The following FAM171A2 variants were observed in gnomAD, a reference collection of about 807,000 sequenced individuals.
FAM171A2 encodes the protein family with sequence similarity 171 member A2, also known as protein FAM171A2.
A neutral mutation model predicts 34.2 loss-of-function variants in FAM171A2; 13 were observed. That is an observed-to-expected ratio of 0.38 (90% CI 0.25 to 0.60). The LOEUF (loss-of-function observed/expected upper bound fraction) is 0.60. Ranked by LOEUF, FAM171A2 falls within the 20% of genes least tolerant of loss-of-function variation. The pLI, the probability that FAM171A2 is intolerant of heterozygous loss-of-function variation, is 0.62. For missense variants in FAM171A2, 950 were observed against 1,180.7 expected, an observed-to-expected ratio of 0.80 and a Z score of 2.86; for synonymous variants, 475 against 561.2, an observed-to-expected ratio of 0.85 and a Z score of 2.17.
rs1297276300 is a variant in FAM171A2 at position 44,355,840 on chromosome 17, C to T, written c.897G>A (p.Gly299=). ...WVAAMASPTA[G]LVTITSGIQD... is the part of the protein sequence containing the mutation. ...GGATGCCCGACGTGATGGTGACCAG[C>T]CCTGTGCCAGGCGAGGGCTTAGCGT... Residue 299 remains glycine, a splice_region_variant and synonymous_variant, in exon 7 of 8, where the codon GGG becomes GGA. Coordinates refer to ENST00000293443, the MANE Select transcript of FAM171A2 (RefSeq NM_198475.3). This position sits in a 1 kb window ranked among gnomAD's most constrained non-coding sequence, Gnocchi z 4.1. 5.2e-6 allele frequency: 8 copies of T among 1,551,522 alleles called. No individual in the cohort carries two copies. The highest frequency in any genetic ancestry group is 7.0e-6 in the Non-Finnish European group (8 of 1,147,008).
chr17:44,361,818 G>C (rs1290650043), intron 1 of FAM171A2, among the ~76,000 whole-genome samples: 1 of 152,112 alleles, frequency 6.6e-6, no homozygotes, highest in South Asian at 2.1e-4. Context: ...GCATGGGGTG[G>C]GGGGAGGTAG....
Position 44,355,490 on chromosome 17 carries a change from T to C in FAM171A2, c.1022+225A>G. On this transcript the variant is annotated intron_variant, in intron 7 of 7. Transcript: ENST00000293443. The surrounding 1 kb of genome is among the most constrained non-coding windows in gnomAD (Gnocchi z 4.1). ...GAGAGAGCTGGGCTGGTAGGGGCAGTGGCAGATCTCTCTGGAGGGGCCGGG... is the reference window on the plus strand; with the variant it reads ...GAGAGAGCTGGGCTGGTAGGGGCAGCGGCAGATCTCTCTGGAGGGGCCGGG... Among the ~76,000 whole-genome samples, 1 of 152,308 alleles carries C rather than the reference T, an allele frequency of 6.6e-6. No individual in the cohort carries two copies. The highest frequency in any genetic ancestry group is 1.5e-5 in the Non-Finnish European group (1 of 68,010).
chr17:44,358,277 AAGC>A (rs1292365923), intron 3 of FAM171A2, among the ~76,000 whole-genome samples: 1 of 152,190 alleles, frequency 6.6e-6, no homozygotes, highest in African/African-American at 2.4e-5. Context: ...TTGGTACTGA[AAGC>A]AGTAGGCGCC....
At position 44,353,652 on chromosome 17, in the gene FAM171A2, G is replaced by A. The variant is rs2048402052; in HGVS notation, c.*81C>T. 9.3e-7 allele frequency: 1 copy of A among 1,080,450 alleles called. No individual in the cohort carries two copies. Among genetic ancestry groups the A allele is most frequent in the Non-Finnish European group, 1.2e-6 (1 of 863,748 alleles). The allele number at this position is 1,080,450 out of a possible 1,614,324, so 66.9% of individuals were successfully genotyped here. A position where few individuals can be genotyped will look rare whatever the true frequency, so the allele number is the denominator to read the frequency against. On this transcript the variant is annotated 3_prime_UTR_variant, in exon 8 of 8. Coordinates refer to ENST00000293443, the MANE Select transcript of FAM171A2 (RefSeq NM_198475.3). ...CGGCCTGGGGCTGGGAGCTACGCGC[G>A]AGGGCCCCCGCGGGCCCCCGGGGCG...
intron 3 of FAM171A2, among the ~76,000 whole-genome samples, chr17:44,357,055 GA>G (rs1021378147): frequency 7.2e-5 from 11 of 152,176 alleles, no homozygotes; most frequent in African/African-American, 1.9e-4. Flanking sequence ...AAAATGTAAT[GA>G]TTTTTTTCTA....
chr17:44,359,480 A>C, intron 3 of FAM171A2, 99 bp downstream of exon 3: 1 of 989,772 alleles, frequency 1.0e-6, no homozygotes. Flanking sequence ...AGGTGAAGTG[A>C]CTTGCCCAAG....
Position 44,353,663 on chromosome 17 carries a change from CGGGCCCCCGG to C in FAM171A2, c.*60_*69del, listed in dbSNP as rs143456272. The C allele has an allele frequency of 1.2e-3, 1,348 of 1,153,706 alleles. 11 individuals carry two copies. The African/African-American group carries it at 0.017, about 14-fold the overall frequency. The allele number at this position is 1,153,706 out of a possible 1,614,324, so 71.5% of individuals were successfully genotyped here. A position where few individuals can be genotyped will look rare whatever the true frequency, so the allele number is the denominator to read the frequency against. On this transcript the variant is annotated 3_prime_UTR_variant, in exon 8 of 8. Coordinates refer to ENST00000293443, the MANE Select transcript of FAM171A2 (RefSeq NM_198475.3). The stretch of plus-strand genomic sequence containing the variant: ...TGGGAGCTACGCGCGAGGGCCCCCG[CGGGCCCCCGG>C]GGCGCGCACCCTGGGTGCGGGCCCG...
chr17:44,361,548 G>A (rs1029803727), intron 1 of FAM171A2, among the ~76,000 whole-genome samples: 1 of 152,084 alleles, frequency 6.6e-6, no homozygotes, highest in Non-Finnish European at 1.5e-5. Flanking sequence ...CTCCCAATCC[G>A]CAGCCAGCGC....
rs998913979 is a variant in FAM171A2, at chr17:44,353,689, T to C, written c.*44A>G. 1.8e-5 allele frequency: 23 copies of C among 1,253,118 alleles called. No individual in the cohort carries two copies. The highest frequency in any genetic ancestry group is 3.5e-5 in the East Asian group (1 of 28,342). 77.6% of individuals were successfully genotyped at this position (1,253,118 alleles called of 1,614,324 possible). A position where few individuals can be genotyped will look rare whatever the true frequency, so the allele number is the denominator to read the frequency against. ...GGGCCCCCGGGGCGCGCACCCTGGG[T>C]GCGGGCCCGCGCGGGAGGGGCGGTG... On this transcript the variant is annotated 3_prime_UTR_variant, in exon 8 of 8. Coordinates refer to ENST00000293443, the MANE Select transcript of FAM171A2 (RefSeq NM_198475.3).
Position 44,354,700 on chromosome 17 carries a change from T to C in FAM171A2, c.1514A>G (p.Asp505Gly). 1 of 1,343,998 alleles carries C rather than the reference T, an allele frequency of 7.4e-7. No homozygotes were observed. The highest frequency in any genetic ancestry group is 9.6e-7 in the Non-Finnish European group (1 of 1,046,328). 83.3% of individuals were successfully genotyped at this position (1,343,998 alleles called of 1,614,324 possible). A position where few individuals can be genotyped will look rare whatever the true frequency, so the allele number is the denominator to read the frequency against. The change falls in exon 8 of 8, where the codon GAC (aspartate) becomes GGC (glycine). Residue 505 changes from aspartate (D) to glycine (G), a missense_variant. Physicochemically the swap from Asp to Gly is moderately conservative, Grantham distance 94 (BLOSUM62 -1). Coordinates refer to ENST00000293443, the MANE Select transcript of FAM171A2 (RefSeq NM_198475.3). The surrounding 1 kb of genome is among the most constrained non-coding windows in gnomAD (Gnocchi z 5.8). ...TPDFLLSQSVDQLARPPSLGQ... is the reference protein window; with the variant it reads ...TPDFLLSQSVGQLARPPSLGQ... ...CAGCGACGGCGGCCGCGCCAGCTGGTCCACCGACTGCGACAGCAGGAAGTC... is the reference window on the plus strand; with the variant it reads ...CAGCGACGGCGGCCGCGCCAGCTGGCCCACCGACTGCGACAGCAGGAAGTC...
At position 44,356,470 on chromosome 17, in the gene FAM171A2, C is replaced by G; in HGVS notation, c.558G>C (p.Arg186=). Residue 186 remains arginine, a synonymous_variant, in exon 4 of 8, where the codon CGG becomes CGC. Transcript: ENST00000293443. ...LTPASTQQEM[R]AFPAFLGTEA... ...CAGTGCCCAGGAAGGCAGGGAAAGC[C>G]CGCATTTCCTGCTGGGTGCTGGCAG... The G allele has an allele frequency of 6.4e-7, 1 of 1,551,006 alleles. No homozygotes were observed. The highest frequency in any genetic ancestry group is 2.4e-5 in the East Asian group (1 of 40,912).
rs1332811131 is a variant in FAM171A2, at chr17:44,356,243, G to A, written c.708C>T (p.Pro236=). The A allele has an allele frequency of 1.4e-5, 22 of 1,551,428 alleles. No homozygotes were observed. The East Asian group carries it at 2.7e-4, about 19-fold the overall frequency. The change falls in exon 5 of 8, where the codon CCC becomes CCT. Residue 236 remains proline (P), a synonymous_variant. Transcript: ENST00000293443. ...PLSGPIHLSL[P]VPSETRALTV... is the part of the protein sequence containing the mutation. ...TGAGGGCACGAGTCTCGGAGGGCAC[G>A]GGCAGGGACAGGTGAATGGGGCCTG...
chr17:44,360,566 A>G (rs781374189), intron 1 of FAM171A2, among the ~76,000 whole-genome samples: 11 of 152,182 alleles, frequency 7.2e-5, no homozygotes, highest in Non-Finnish European at 1.2e-4. Flanking sequence ...TACTTGGACT[A>G]CAGCTAAGTG....
chr17:44,362,048 G>A (rs1284928924), intron 1 of FAM171A2, among the ~76,000 whole-genome samples: 1 of 151,776 alleles, frequency 6.6e-6, no homozygotes, highest in African/African-American at 2.4e-5. Flanking sequence ...AGGGGGCTGG[G>A]GAAACAAAAC....
In FAM171A2 at chr17:44,353,561, G is replaced by T; in HGVS notation, c.*172C>A. ...CCTCCCCGGCTTGGAGGCAGACACA[G>T]GGTCCCTTGCAAGACACGACCCAGC... On this transcript the variant is annotated 3_prime_UTR_variant, in exon 8 of 8. Transcript: ENST00000293443. 2.5e-6 allele frequency: 1 copy of T among 394,832 alleles called. No homozygotes were observed. The highest frequency in any genetic ancestry group is 5.1e-5 in the Admixed American group (1 of 19,574). The allele number at this position is 394,832 out of a possible 1,614,324, so 24.5% of individuals were successfully genotyped here.
intron 3 of FAM171A2, 65 bp from the exon 4 acceptor site, chr17:44,356,653 A>G: frequency 6.8e-7 from 1 of 1,460,188 alleles, no homozygotes; most frequent in Non-Finnish European, 9.1e-7. Flanking sequence ...CCAGAGCAGA[A>G]ACCCATTATC....
At position 44,355,094 on chromosome 17, in the gene FAM171A2, G is replaced by T. The variant is rs1379921209; in HGVS notation, c.1120C>A (p.Leu374Ile). 6.4e-7 allele frequency: 1 copy of T among 1,550,770 alleles called. No individual in the cohort carries two copies. Among genetic ancestry groups the T allele is most frequent in the African/African-American group, 1.4e-5 (1 of 73,074 alleles). The change falls in exon 8 of 8, where the codon CTC becomes ATC. Residue 374 changes from leucine (L) to isoleucine (I), a missense_variant. Physicochemically the swap from Leu to Ile is conservative, Grantham distance 5. Coordinates refer to ENST00000293443, the MANE Select transcript of FAM171A2 (RefSeq NM_198475.3). The surrounding 1 kb of genome is among the most constrained non-coding windows in gnomAD (Gnocchi z 4.1). The part of the protein sequence containing the change: ...KRDQATSMSQ[L>I]HLICGGPLEP... ...AGGGGTCCCCCACAGATGAGGTGGA[G>T]CTGGGACATCGAGGTGGCCTGGTCT...
Position 44,359,923 on chromosome 17 carries a change from G to C in FAM171A2, c.328C>G (p.Arg110Gly). The change falls in exon 2 of 8, where the codon CGT becomes GGT. Residue 110 changes from arginine (R) to glycine (G), a missense_variant. Around this residue, in one of 3 missense-constraint regions of FAM171A2, gnomAD observed 752 missense variants for 924.5 expected, o/e 0.81. Coordinates refer to ENST00000293443, the MANE Select transcript of FAM171A2 (RefSeq NM_198475.3). The stretch of plus-strand genomic sequence containing the variant: ...CACTCACAGGGCAGCTTGTCAACAC[G>C]CCAGGGCACAGAGTTGGTGAGGAAG... ...PGFLTNSVPW[R>G]VDKLPLYASV... 1.3e-6 allele frequency: 2 copies of C among 1,544,208 alleles called. No individual in the cohort carries two copies. The highest frequency in any genetic ancestry group is 1.8e-6 in the Non-Finnish European group (2 of 1,142,616).
intron 1 of FAM171A2, among the ~76,000 whole-genome samples, chr17:44,363,051 T>A (rs2143390317): frequency 6.6e-6 from 1 of 152,184 alleles, no homozygotes; most frequent in East Asian, 1.9e-4. Flanking sequence ...GCTGTCAGGC[T>A]CCAGGGCAAA....
Sources: allele counts gnomAD v4.1 joint callset (sites outside exome capture counted in the v4.1 genomes callset), GRCh38; gene constraint gnomAD v4.1.1; regional missense constraint gnomAD v4.1.1; non-coding constraint Gnocchi (gnomAD v3.1); transcripts MANE v1.5; gene names NCBI Gene and HGNC (gene_info 2026-07-23, HGNC 2026-07-21).